The following SETBP1 variants were observed in gnomAD, a reference collection of about 807,000 sequenced individuals.
SETBP1 encodes the protein SET binding protein 1.
In SETBP1, 9 loss-of-function variants were observed where a neutral mutation model predicts 101.0. The observed-to-expected ratio is 0.09, with a 90% CI of 0.05 to 0.16. The LOEUF (loss-of-function observed/expected upper bound fraction) is 0.16, where lower values mean the gene tolerates loss of function less well. Ranked by LOEUF, SETBP1 falls within the 10% of genes least tolerant of loss-of-function variation. SETBP1 has a pLI of 1.00. For missense variants in SETBP1, 1,858 were observed against 2,033.8 expected, an observed-to-expected ratio of 0.91 and a Z score of 1.66; for synonymous variants, 818 against 788.5, an observed-to-expected ratio of 1.04 and a Z score of -0.63.
chr18:44,712,571 G>A (rs755436552), intron 2 of SETBP1, among the ~76,000 whole-genome samples: 2 of 152,102 alleles, frequency 1.3e-5, no homozygotes, highest in Non-Finnish European at 2.9e-5. Context: ...CTTATCCTTT[G>A]GGGGCAGCAT....
At chr18:44,837,647 C>A in intron 2 of SETBP1, among the ~76,000 whole-genome samples, 1 of 152,254 alleles carries the variant, frequency 6.6e-6, no homozygotes, top group East Asian at 1.9e-4. Flanking sequence ...AGAGGCGATG[C>A]GGTCCATTTG....
intron 3 of SETBP1, among the ~76,000 whole-genome samples, chr18:44,920,006 T>A (rs1466528494): frequency 6.6e-6 from 1 of 152,186 alleles, no homozygotes; most frequent in Non-Finnish European, 1.5e-5. Context: ...TTGTCTTAGG[T>A]CATTTTGTGC....
chr18:44,940,175 A>G (rs1184952224), intron 3 of SETBP1, among the ~76,000 whole-genome samples: 1 of 152,154 alleles, frequency 6.6e-6, no homozygotes, highest in African/African-American at 2.4e-5. Context: ...TTTTCCTTAC[A>G]TTAATAAAAT....
rs1011840138 is a variant in SETBP1, at chr18:44,931,116, C to G, written c.541-18765C>G. ...TCTCTGCACACTGCTTTAAATGTGT[C>G]CCAGAGATTATGGTATGTTGTGTCT... On this transcript the variant is annotated intron_variant, in intron 3 of 5. Coordinates refer to ENST00000649279, the MANE Select transcript of SETBP1 (RefSeq NM_015559.3). Among the ~76,000 whole-genome samples the G allele has an allele frequency of 3.9e-5, 6 of 152,172 alleles. No homozygotes were observed. The East Asian group carries it at 7.7e-4, about 20-fold the overall frequency.
Position 45,063,659 on chromosome 18 carries a change from G to T in SETBP1, c.4752G>T (p.Gln1584His). The T allele has an allele frequency of 6.2e-7, 1 of 1,608,788 alleles. No individual in the cohort carries two copies. The highest frequency in any genetic ancestry group is 8.5e-7 in the Non-Finnish European group (1 of 1,178,060). ...AAGAGGAGGTGAAAGCCAAAAGGCA[G>T]AGGAAGTCCCGAGGGAGTGAGAGCG... ...PQEEEVKAKRQRKSRGSESEV... is the reference protein window; with the variant it reads ...PQEEEVKAKRHRKSRGSESEV... The change falls in exon 6 of 6, where the codon CAG becomes CAT. Residue 1584 changes from glutamine to histidine, a missense_variant. By Grantham distance (24) the Gln-to-His change is conservative (BLOSUM62 0). Around this residue, in one of 12 missense-constraint regions of SETBP1, gnomAD observed 178 missense variants for 189.1 expected, o/e 0.94. Coordinates refer to ENST00000649279, the MANE Select transcript of SETBP1 (RefSeq NM_015559.3).
At chr18:44,996,384 A>G (rs1477241149) in intron 4 of SETBP1, among the ~76,000 whole-genome samples, 1 of 152,202 alleles carries the variant, frequency 6.6e-6, no homozygotes, top group Non-Finnish European at 1.5e-5. Context: ...GGTGGAGTTC[A>G]GGCATCTGGG....
At chr18:44,902,658 A>G (rs914837317) in intron 3 of SETBP1, among the ~76,000 whole-genome samples, 2 of 152,274 alleles carry the variant, frequency 1.3e-5, no homozygotes, top group South Asian at 4.1e-4. Flanking sequence ...TATGTTTTGC[A>G]ATTTTATAAA....
At chr18:44,835,020 T>C (rs1489776844) in intron 2 of SETBP1, among the ~76,000 whole-genome samples, 1 of 151,994 alleles carries the variant, frequency 6.6e-6, no homozygotes, top group Non-Finnish European at 1.5e-5. Context: ...GGGAGGGAGA[T>C]CTTTATCAGA....
intron 2 of SETBP1, among the ~76,000 whole-genome samples, chr18:44,790,278 G>GTAC (rs1204293676): frequency 2.6e-5 from 4 of 152,094 alleles, no homozygotes; most frequent in African/African-American, 9.7e-5. Flanking sequence ...TCGTCAAGAA[G>GTAC]TACTATTCAG....
intron 5 of SETBP1, among the ~76,000 whole-genome samples, chr18:45,057,656 C>T (rs1446295342): frequency 6.6e-6 from 1 of 152,210 alleles, no homozygotes; most frequent in Non-Finnish European, 1.5e-5. Context: ...ACCCCAACTC[C>T]AGGCAGTTCA....
chr18:44,846,844 T>C (rs1310601760), intron 2 of SETBP1, among the ~76,000 whole-genome samples: 1 of 152,230 alleles, frequency 6.6e-6, no homozygotes, highest in Non-Finnish European at 1.5e-5. Flanking sequence ...TCAGTTTTAG[T>C]CTCTCCTTTT....
intron 4 of SETBP1, among the ~76,000 whole-genome samples, chr18:45,001,923 A>G (rs1039106139): frequency 6.6e-6 from 1 of 152,166 alleles, no homozygotes; most frequent in African/African-American, 2.4e-5. Flanking sequence ...CCACAGAGTG[A>G]GAGGGAGCTG....
intron 2 of SETBP1, among the ~76,000 whole-genome samples, chr18:44,861,181 T>G (rs567344438): frequency 6.6e-6 from 1 of 151,642 alleles, no homozygotes; most frequent in African/African-American, 2.4e-5. Flanking sequence ...CAGGGCTTCT[T>G]AGCGCACAGT....
At chr18:44,834,317 C>A (rs775950683) in intron 2 of SETBP1, among the ~76,000 whole-genome samples, 2 of 152,112 alleles carry the variant, frequency 1.3e-5, no homozygotes, top group African/African-American at 4.8e-5. Context: ...TAATGAGATA[C>A]CTCTTTATGG....
chr18:44,791,291 A>G (rs62090584), intron 2 of SETBP1, among the ~76,000 whole-genome samples: 10,623 of 152,278 alleles, frequency 0.07, 422 homozygotes, highest in East Asian at 0.14. Context: ...ACAATGATTC[A>G]GTCCCAAATG....
intron 2 of SETBP1, among the ~76,000 whole-genome samples, chr18:44,859,061 A>G (rs2073028374): frequency 6.6e-6 from 1 of 150,626 alleles, no homozygotes; most frequent in Admixed American, 6.6e-5. Context: ...GAAAGAAGGA[A>G]GGAAGGAAGG....
At chr18:44,754,782 A>G (rs757673670) in intron 2 of SETBP1, among the ~76,000 whole-genome samples, 18 of 152,198 alleles carry the variant, frequency 1.2e-4, no homozygotes, top group Non-Finnish European at 2.4e-4. Flanking sequence ...CTGGACTTGC[A>G]TCTCACCTTC....
chr18:44,962,556 T>A (rs1377885193), intron 4 of SETBP1, among the ~76,000 whole-genome samples: 1 of 152,052 alleles, frequency 6.6e-6, no homozygotes, highest in Non-Finnish European at 1.5e-5. Context: ...GATATAGACA[T>A]GTACACAAAG....
At chr18:44,953,447 G>A (rs1290893562) in intron 4 of SETBP1, 107 bp downstream of exon 4, 2 of 1,008,390 alleles carry the variant, frequency 2.0e-6, no homozygotes, top group Non-Finnish European at 1.5e-6. Context: ...GCAAAGAGGT[G>A]GGAATCAAAT....
Sources: allele counts gnomAD v4.1 joint callset (sites outside exome capture counted in the v4.1 genomes callset), GRCh38; gene constraint gnomAD v4.1.1; regional missense constraint gnomAD v4.1.1; transcripts MANE v1.5; gene names NCBI Gene and HGNC (gene_info 2026-07-23, HGNC 2026-07-21).